TBC1D4: variants seen among roughly 807,000 people sequenced by gnomAD.
The protein encoded by TBC1D4 is TBC1 domain family member 4.
TBC1D4 carries 121 observed loss-of-function variants against 142.5 expected under a neutral mutation model. The observed-to-expected ratio is 0.85, with a 90% CI of 0.73 to 0.99. The LOEUF (loss-of-function observed/expected upper bound fraction) is 0.99. Ranked by LOEUF, TBC1D4 falls within the 50% of genes least tolerant of loss-of-function variation. TBC1D4 has a pLI of 0.00. For synonymous variants in TBC1D4, 630 were observed against 628.2 expected (o/e 1.00, Z -0.04); for missense variants, 1,475 against 1,606.6 (o/e 0.92, Z 1.40).
chr13:75,436,099 A>G (rs942900427), intron 1 of TBC1D4, among the ~76,000 whole-genome samples: 4 of 152,148 alleles, frequency 2.6e-5, no homozygotes, highest in Admixed American at 2.0e-4. Context: ...ATGATAGGGA[A>G]TAAGTCTCAC....
chr13:75,371,673 T>C (rs1253969828), intron 1 of TBC1D4, among the ~76,000 whole-genome samples: 2 of 152,182 alleles, frequency 1.3e-5, no homozygotes, highest in East Asian at 3.9e-4. Context: ...GATTGCTAAA[T>C]GTGACCCCTA....
chr13:75,465,855 T>C (rs1449160641), intron 1 of TBC1D4, among the ~76,000 whole-genome samples: 1 of 152,140 alleles, frequency 6.6e-6, no homozygotes, highest in Non-Finnish European at 1.5e-5. Flanking sequence ...AACCCACACA[T>C]TCCTTTCCAT....
rs777629934 is a variant in TBC1D4, at chr13:75,362,227, C to T, written c.879G>A (p.Arg293=). The T allele has an allele frequency of 8.7e-6, 14 of 1,613,734 alleles. No homozygotes were observed. In the South Asian group the frequency reaches 1.4e-4, roughly 16 times the overall value. The part of the protein sequence containing the change: ...GASQPALTSS[R]VCFPERILED... ...CCAAAATCCGCTCAGGGAAGCAGAC[C>T]CGAGAGCTGGTCAGGGCAGGCTGGC... The change falls in exon 2 of 21, where the codon CGG becomes CGA. Residue 293 remains arginine (R), a synonymous_variant. Coordinates refer to ENST00000377636, the MANE Select transcript of TBC1D4 (RefSeq NM_014832.5). The surrounding 1 kb of genome is among the most constrained non-coding windows in gnomAD (Gnocchi z 4.2).
At chr13:75,433,084 C>T (rs533798740) in intron 1 of TBC1D4, among the ~76,000 whole-genome samples, 4 of 152,262 alleles carry the variant, frequency 2.6e-5, no homozygotes, top group South Asian at 2.1e-4. Context: ...ACACTTATTG[C>T]CTCAACTCTC....
At chr13:75,334,518 AC>A (rs1309662567) in intron 8 of TBC1D4, among the ~76,000 whole-genome samples, 2 of 152,008 alleles carry the variant, frequency 1.3e-5, no homozygotes, top group Non-Finnish European at 2.9e-5. Flanking sequence ...TTATATTGAT[AC>A]CTCCAAGTTT....
chr13:75,445,598 G>A lies in TBC1D4; in HGVS notation c.498+35672C>T, dbSNP rs1887246970. Among the ~76,000 whole-genome samples the A allele has an allele frequency of 2.0e-5, 3 of 152,112 alleles. No homozygotes were observed. The South Asian group carries it at 6.2e-4, about 32-fold the overall frequency. Reference sequence around the variant, plus strand: ...TCAACAATCTCACCCAGAGTAAAATGTAGCAGTGGTAATACTAGTTTCATC... The same window carrying A: ...TCAACAATCTCACCCAGAGTAAAATATAGCAGTGGTAATACTAGTTTCATC... On this transcript the variant is annotated intron_variant, in intron 1 of 20. Coordinates refer to ENST00000377636, the MANE Select transcript of TBC1D4 (RefSeq NM_014832.5).
chr13:75,460,118 G>C (rs1196446338), intron 1 of TBC1D4, among the ~76,000 whole-genome samples: 1 of 152,070 alleles, frequency 6.6e-6, no homozygotes, highest in Non-Finnish European at 1.5e-5. Flanking sequence ...ACTGCAGCCT[G>C]GGCGACAGAG....
Position 75,349,195 on chromosome 13 carries a change from C to G in TBC1D4, c.1383G>C (p.Leu461Phe), listed in dbSNP as rs2138114250. The G allele has an allele frequency of 6.2e-7, 1 of 1,614,024 alleles. No individual in the cohort carries two copies. Among genetic ancestry groups the G allele is most frequent in the East Asian group, 2.2e-5 (1 of 44,880 alleles). Residue 461 changes from leucine (L) to phenylalanine (F), a missense_variant, in exon 5 of 21, where the codon TTG becomes TTC. Transcript: ENST00000377636. ...KLCEACPMHSLHKLCERIEGL... is the reference protein window; with the variant it reads ...KLCEACPMHSFHKLCERIEGL... ...CTTCAATCCTTTCACAGAGCTTATGCAAAGAGTGCATCGGGCAGGCCTCAC... is the reference window on the plus strand; with the variant it reads ...CTTCAATCCTTTCACAGAGCTTATGGAAAGAGTGCATCGGGCAGGCCTCAC...
intron 1 of TBC1D4, among the ~76,000 whole-genome samples, chr13:75,441,758 C>T (rs1384572440): frequency 1.3e-5 from 2 of 152,200 alleles, no homozygotes; most frequent in Non-Finnish European, 2.9e-5. Context: ...CTTCAGCCTT[C>T]CCCAGTCCTG....
intron 1 of TBC1D4, among the ~76,000 whole-genome samples, chr13:75,427,155 C>T (rs1279216427): frequency 6.6e-6 from 1 of 151,376 alleles, no homozygotes; most frequent in African/African-American, 2.4e-5. Context: ...GTGGCGCGAT[C>T]TCGCTCACTG....
chr13:75,471,354 T>C (rs1399596856), intron 1 of TBC1D4, among the ~76,000 whole-genome samples: 3 of 152,202 alleles, frequency 2.0e-5, no homozygotes, highest in Non-Finnish European at 4.4e-5. Flanking sequence ...TGGAAAGGTT[T>C]AAAATTAATG....
At chr13:75,315,427 T>TATATATATATACAC (rs1566370515) in intron 12 of TBC1D4, among the ~76,000 whole-genome samples, 1 of 21,632 alleles carries the variant, frequency 4.6e-5, no homozygotes, top group African/African-American at 6.4e-5. Flanking sequence ...TACACACACA[T>TATATATATATACAC]ATATATATAT....
chr13:75,293,511 G>A (rs1271528041), intron 18 of TBC1D4, among the ~76,000 whole-genome samples: 2 of 152,108 alleles, frequency 1.3e-5, no homozygotes, highest in East Asian at 3.8e-4. Context: ...ACATCATTTT[G>A]ATTTGATACA....
intron 5 of TBC1D4, 127 bp downstream of exon 5, chr13:75,349,043 T>G: frequency 3.6e-6 from 5 of 1,407,934 alleles, no homozygotes; most frequent in Non-Finnish European, 4.9e-6. Context: ...TGAGTGGACA[T>G]GAGAAATGAT....
At chr13:75,405,800 A>G (rs1885311299) in intron 1 of TBC1D4, among the ~76,000 whole-genome samples, 1 of 147,586 alleles carries the variant, frequency 6.8e-6, no homozygotes, top group Non-Finnish European at 1.5e-5. Flanking sequence ...CACTATGTAC[A>G]AAATAAAGCA....
intron 5 of TBC1D4, among the ~76,000 whole-genome samples, chr13:75,343,642 G>C (rs150850443): frequency 4.9e-4 from 75 of 151,908 alleles, no homozygotes; most frequent in African/African-American, 1.5e-3. Flanking sequence ...TCAGCCTTCC[G>C]AGTAGCTAGG....
rs1276775075 is a variant in TBC1D4, at chr13:75,481,759, C to T, written c.9G>A (p.Pro3=). Residue 3 remains proline (P), a synonymous_variant, in exon 1 of 21, where the codon CCG becomes CCA. Transcript: ENST00000377636. ME[P]PSCIQDEPFP... ...ACGGCTCATCCTGAATGCAGCTGGG[C>T]GGCTCCATAACTCTCGCCTCACCAG... The T allele has an allele frequency of 1.3e-6, 2 of 1,583,240 alleles. No homozygotes were observed. The highest frequency in any genetic ancestry group is 1.8e-5 in the Admixed American group (1 of 54,788).
rs1883718060 is a variant in TBC1D4 at position 75,379,885 on chromosome 13, C to CTTTTTTTTTTTTTTTTT, written c.499-17279_499-17278insAAAAAAAAAAAAAAAAA. 5.1e-5 allele frequency among the ~76,000 whole-genome samples: 5 copies of CTTTTTTTTTTTTTTTTT among 98,536 alleles called. 1 individual carries two copies. Among genetic ancestry groups the CTTTTTTTTTTTTTTTTT allele is most frequent in the African/African-American group, 7.2e-5 (2 of 27,814 alleles). 64.6% of individuals were successfully genotyped at this position (98,536 alleles called of 152,430 possible). ...AAGTATATCAGTTTTGTTCATCTGA[C>CTTTTTTTTTTTTTTTTT]TCTTTTTTTTTTTTTTTTTTTTTTT... On this transcript the variant is annotated intron_variant, in intron 1 of 20. Transcript: ENST00000377636.
intron 1 of TBC1D4, among the ~76,000 whole-genome samples, chr13:75,478,281 G>T (rs902540361): frequency 6.6e-6 from 1 of 152,152 alleles, no homozygotes; most frequent in Non-Finnish European, 1.5e-5. Flanking sequence ...AACAGTCCAG[G>T]TTTATTACTC....
Sources: allele counts gnomAD v4.1 joint callset (sites outside exome capture counted in the v4.1 genomes callset), GRCh38; gene constraint gnomAD v4.1.1; non-coding constraint Gnocchi (gnomAD v3.1); transcripts MANE v1.5; gene names NCBI Gene and HGNC (gene_info 2026-07-23, HGNC 2026-07-21).